SEC24C: variants seen among roughly 807,000 people sequenced by gnomAD.
SEC24C encodes protein transport protein Sec24C.
SEC24C carries 22 observed loss-of-function variants against 117.0 expected under a neutral mutation model. The observed-to-expected ratio is 0.19, with a 90% CI of 0.13 to 0.27. SEC24C has a LOEUF of 0.27. Ranked by LOEUF, SEC24C falls within the 10% of genes least tolerant of loss-of-function variation. The pLI, the probability that SEC24C is intolerant of heterozygous loss-of-function variation, is 1.00. For missense variants in SEC24C, 1,155 were observed against 1,375.1 expected (o/e 0.84, Z 2.53); for synonymous variants, 506 against 529.4 (o/e 0.96, Z 0.61).
intron 21 of SEC24C, 90 bp from the exon 22 acceptor site, chr10:73,770,619 C>G: frequency 6.6e-7 from 1 of 1,523,486 alleles, no homozygotes; most frequent in Non-Finnish European, 9.1e-7. Flanking sequence ...CCAGGTTTGC[C>G]TGTTTCAGAT....
At chr10:73,766,884 A>G in intron 13 of SEC24C, 31 bp downstream of exon 13, 2 of 1,584,946 alleles carry the variant, frequency 1.3e-6, no homozygotes, top group Non-Finnish European at 1.7e-6. Flanking sequence ...AACCTCCTCT[A>G]ACTCCATTTT....
intron 1 of SEC24C, among the ~76,000 whole-genome samples, chr10:73,745,723 T>G (rs1256056919): frequency 6.6e-6 from 1 of 151,710 alleles, no homozygotes; most frequent in East Asian, 2.0e-4. Flanking sequence ...CTAGTTTTTG[T>G]ATTTTTAGTA....
intron 3 of SEC24C, among the ~76,000 whole-genome samples, chr10:73,758,181 G>A (rs960987328): frequency 1.3e-5 from 2 of 151,484 alleles, no homozygotes; most frequent in African/African-American, 4.9e-5. Flanking sequence ...GTTGTGATGG[G>A]CCAAGATCGC....
At chr10:73,747,683 G>C (rs2082578650) in intron 2 of SEC24C, among the ~76,000 whole-genome samples, 1 of 125,038 alleles carries the variant, frequency 8.0e-6, no homozygotes, top group South Asian at 2.6e-4. Flanking sequence ...TTTTGAGACA[G>C]AGTTTTACTC....
chr10:73,748,086 C>T (rs190254371), intron 2 of SEC24C, among the ~76,000 whole-genome samples: 90 of 152,190 alleles, frequency 5.9e-4, no homozygotes, highest in African/African-American at 1.8e-3. Flanking sequence ...TCAGCCACCA[C>T]GCCCGGCCCC....
chr10:73,747,289 TCTC>T (rs1171625679), intron 2 of SEC24C, among the ~76,000 whole-genome samples: 3 of 152,226 alleles, frequency 2.0e-5, no homozygotes, highest in Non-Finnish European at 4.4e-5. Context: ...CTTAAGCACT[TCTC>T]CTGCCTCAGC....
chr10:73,761,236 C>T (rs887066213), intron 6 of SEC24C, among the ~76,000 whole-genome samples: 1 of 152,140 alleles, frequency 6.6e-6, no homozygotes, highest in Non-Finnish European at 1.5e-5. Flanking sequence ...GGTGGGAATT[C>T]TCTGATGTTA....
rs1201395520 is a variant in SEC24C at position 73,763,837 on chromosome 10, C to T, written c.1100-19C>T. The T allele has an allele frequency of 1.2e-6, 2 of 1,611,808 alleles. No homozygotes were observed. The highest frequency in any genetic ancestry group is 1.7e-6 in the Non-Finnish European group (2 of 1,178,804). ...AAGGATTCTGTGATCTGACTCGGGT[C>T]TTCTGCCTCCTTCTTCAGGGAATGC... On this transcript the variant is annotated intron_variant, in intron 7 of 22. Coordinates refer to ENST00000345254, the MANE Select transcript of SEC24C (RefSeq NM_198597.3).
At chr10:73,756,376 G>A (rs1589516372) in intron 3 of SEC24C, among the ~76,000 whole-genome samples, 1 of 152,240 alleles carries the variant, frequency 6.6e-6, no homozygotes, top group South Asian at 2.1e-4. Context: ...GGGGAAAAAA[G>A]TCTGCACGCT....
At position 73,771,017 on chromosome 10, in the gene SEC24C, CAA is replaced by C; in HGVS notation, c.3208_3209del (p.Lys1070GlufsTer56). ...MLFKHFLVEDKSLSGGASYVD... is the reference protein window; with the variant it reads ...MLFKHFLVEDXSLSGGASYVD... Reference sequence around the variant, plus strand: ...TGTTCAAGCACTTCCTGGTGGAAGACAAGAGTCTGAGTGGGGGAGCATCTTAT... The same window carrying C: ...TGTTCAAGCACTTCCTGGTGGAAGACGAGTCTGAGTGGGGGAGCATCTTAT... On this transcript the variant is annotated frameshift_variant, in exon 23 of 23. Transcript: ENST00000345254. LOFTEE classifies it high-confidence loss of function. 2.5e-6 allele frequency: 4 copies of C among 1,614,162 alleles called. No homozygotes were observed. Among genetic ancestry groups the C allele is most frequent in the Non-Finnish European group, 3.4e-6 (4 of 1,180,040 alleles).
chr10:73,745,612 G>A lies in SEC24C; in HGVS notation c.-29+1175G>A, dbSNP rs1047676365. ...TGCTCAGGCTGGAGTGCAGTGGCACGATCTCGGCTTATTGCAATCTCCGCC... is the reference window on the plus strand; with the variant it reads ...TGCTCAGGCTGGAGTGCAGTGGCACAATCTCGGCTTATTGCAATCTCCGCC... On this transcript the variant is annotated intron_variant, in intron 1 of 22. Coordinates refer to ENST00000345254, the MANE Select transcript of SEC24C (RefSeq NM_198597.3). Among the ~76,000 whole-genome samples, 4 of 151,758 alleles carry A rather than the reference G, an allele frequency of 2.6e-5. No homozygotes were observed. The South Asian group carries it at 8.3e-4, about 32-fold the overall frequency.
intron 8 of SEC24C, among the ~76,000 whole-genome samples, chr10:73,764,991 C>T (rs1230083612): frequency 6.6e-5 from 10 of 152,166 alleles, no homozygotes; most frequent in African/African-American, 2.4e-4. Context: ...GTGACATTTG[C>T]CTGGGGCATC....
chr10:73,747,331 C>T (rs900049199), intron 2 of SEC24C, among the ~76,000 whole-genome samples: 1 of 151,896 alleles, frequency 6.6e-6, no homozygotes, highest in Non-Finnish European at 1.5e-5. Flanking sequence ...TACAGGCATG[C>T]ACCACCACGT....
chr10:73,766,702 T>C, intron 12 of SEC24C, 58 bp from the exon 13 acceptor site: 2 of 1,518,140 alleles, frequency 1.3e-6, no homozygotes, highest in Non-Finnish European at 1.8e-6. Flanking sequence ...AATCGAGAAC[T>C]GAGGTATCTG....
intron 6 of SEC24C, 36 bp downstream of exon 6, chr10:73,760,885 T>C: frequency 6.4e-7 from 1 of 1,560,412 alleles, no homozygotes; most frequent in East Asian, 2.3e-5. Flanking sequence ...AGGAAGGGTT[T>C]GTGTCTGCCA....
intron 3 of SEC24C, among the ~76,000 whole-genome samples, chr10:73,751,537 A>G (rs2082642494): frequency 6.6e-6 from 1 of 152,192 alleles, no homozygotes; most frequent in South Asian, 2.1e-4. Context: ...CGATAGAGTG[A>G]GACTCCGTCT....
rs375284989 is a variant in SEC24C, at chr10:73,746,561, G to A, written c.-28-244G>A. 20 of 299,706 alleles carry A rather than the reference G, an allele frequency of 6.7e-5. No homozygotes were observed. In the South Asian group the frequency reaches 1.1e-3, roughly 16 times the overall value. The allele number at this position is 299,706 out of a possible 1,614,324, so 18.6% of individuals were successfully genotyped here. On this transcript the variant is annotated intron_variant, in intron 1 of 22. Coordinates refer to ENST00000345254, the MANE Select transcript of SEC24C (RefSeq NM_198597.3). Reference sequence around the variant, plus strand: ...CTCCATTTCAGTGGATCTGTCTGAAGTTGAAATTTATACTATTTAGACAGT... The same window carrying A: ...CTCCATTTCAGTGGATCTGTCTGAAATTGAAATTTATACTATTTAGACAGT...
At chr10:73,744,995 TACC>T (rs1348362802) in intron 1 of SEC24C, among the ~76,000 whole-genome samples, 22 of 22,882 alleles carry the variant, frequency 9.6e-4, no homozygotes, top group Admixed American at 2.5e-3. Context: ...GTCAGTGACC[TACC>T]TCTGTAAGGT....
Position 73,751,223 on chromosome 10 carries a change from C to T in SEC24C, c.288C>T (p.Ser96=), listed in dbSNP as rs758570068. The T allele has an allele frequency of 6.2e-7, 1 of 1,614,084 alleles. No homozygotes were observed. The highest frequency in any genetic ancestry group is 8.5e-7 in the Non-Finnish European group (1 of 1,179,956). The stretch of plus-strand genomic sequence containing the variant: ...AAGGAGATGTACAGAATGGGCCAAG[C>T]TCCACTGTTCAGATGCAAAGGTAGG... ...FGQGDVQNGP[S]STVQMQRLPG... is the part of the protein sequence containing the mutation. The change falls in exon 3 of 23, where the codon AGC becomes AGT. Residue 96 remains serine, a synonymous_variant. Coordinates refer to ENST00000345254, the MANE Select transcript of SEC24C (RefSeq NM_198597.3).
Sources: allele counts gnomAD v4.1 joint callset (sites outside exome capture counted in the v4.1 genomes callset), GRCh38; gene constraint gnomAD v4.1.1; transcripts MANE v1.5; gene names NCBI Gene and HGNC (gene_info 2026-07-23, HGNC 2026-07-21).